The following BMAL1 variants were observed in gnomAD, a reference collection of about 807,000 sequenced individuals.
The protein encoded by BMAL1 is basic helix-loop-helix ARNT like 1.
At chr11:13,297,593 C>T in the BMAL1 span, among the ~76,000 whole-genome samples, 2 of 152,140 alleles carry the variant, frequency 1.3e-5, no homozygotes, top group Admixed American at 6.5e-5. Flanking sequence ...CGCCCATTGC[C>T]CTTGCCATGT....
At chr11:13,360,499 TTGA>T in the BMAL1 span, 1 of 1,424,588 alleles carries the variant, frequency 7.0e-7, no homozygotes, top group Non-Finnish European at 9.8e-7. Context: ...ATGTGGGAAT[TTGA>T]TGTTTCAACA....
the BMAL1 span, chr11:13,372,557 C>A: frequency 2.0e-5 from 26 of 1,292,470 alleles, no homozygotes; most frequent in African/African-American, 3.0e-5. Flanking sequence ...CACCTCAAAT[C>A]CCAGCACTTT....
At chr11:13,311,832 G>T in the BMAL1 span, among the ~76,000 whole-genome samples, 1 of 152,150 alleles carries the variant, frequency 6.6e-6, no homozygotes, top group Non-Finnish European at 1.5e-5. Context: ...TTGGACCCTT[G>T]CCATGAGACA....
the BMAL1 span, among the ~76,000 whole-genome samples, chr11:13,283,522 T>C: frequency 4.2e-4 from 64 of 152,160 alleles, no homozygotes; most frequent in Middle Eastern, 0.01. Context: ...TCAGCTGTTA[T>C]GGCTTGGGGC....
At chr11:13,313,696 A>G in the BMAL1 span, among the ~76,000 whole-genome samples, 2 of 152,052 alleles carry the variant, frequency 1.3e-5, no homozygotes, top group Non-Finnish European at 1.5e-5. Flanking sequence ...TCCTGTGTTC[A>G]TCTTTTTCCT....
chr11:13,310,019 C>T, the BMAL1 span: 1 of 152,622 alleles, frequency 6.6e-6, no homozygotes, highest in Admixed American at 6.5e-5. Context: ...CGTTTGGACC[C>T]AAGCTTAACT....
chr11:13,333,857 G>C, the BMAL1 span, among the ~76,000 whole-genome samples: 2 of 152,210 alleles, frequency 1.3e-5, no homozygotes, highest in Non-Finnish European at 2.9e-5. Context: ...CACAATTCCA[G>C]CTTAGAAGTT....
chr11:13,292,598 A>G, the BMAL1 span, among the ~76,000 whole-genome samples: 1 of 152,202 alleles, frequency 6.6e-6, no homozygotes, highest in African/African-American at 2.4e-5. Context: ...ATTGGTGGCA[A>G]GGGGCTTTGC....
At chr11:13,370,978 T>C in the BMAL1 span, among the ~76,000 whole-genome samples, 2 of 152,232 alleles carry the variant, frequency 1.3e-5, no homozygotes, top group Non-Finnish European at 1.5e-5. Flanking sequence ...CATGGCTCTC[T>C]CCAACCTCAG....
chr11:13,365,372 A>T, the BMAL1 span: 1 of 712,890 alleles, frequency 1.4e-6, no homozygotes, highest in South Asian at 1.8e-5. Context: ...CACTCAGGAT[A>T]TCACTGAAAC....
chr11:13,374,225 C>A, the BMAL1 span: 2 of 1,600,032 alleles, frequency 1.2e-6, no homozygotes, highest in South Asian at 1.1e-5. Context: ...TATGAAAGAT[C>A]TTAAGTTGAA....
chr11:13,289,237 A>G, the BMAL1 span, among the ~76,000 whole-genome samples: 5 of 152,280 alleles, frequency 3.3e-5, no homozygotes, highest in East Asian at 5.8e-4. Context: ...TTAATAGTGA[A>G]GATGTACTGG....
the BMAL1 span, chr11:13,356,724 C>G: frequency 1.9e-6 from 3 of 1,614,048 alleles, no homozygotes; most frequent in East Asian, 6.7e-5. Flanking sequence ...GTCACATTCT[C>G]TTTTGTTTTT....
At chr11:13,384,409 T>C in the BMAL1 span, among the ~76,000 whole-genome samples, 2 of 152,188 alleles carry the variant, frequency 1.3e-5, no homozygotes, top group Admixed American at 6.5e-5. Flanking sequence ...TTCAAAATCA[T>C]GTAAGGGTAA....
At chr11:13,356,701 T>G in the BMAL1 span, 2 of 1,612,306 alleles carry the variant, frequency 1.2e-6, no homozygotes, top group Non-Finnish European at 1.7e-6. Flanking sequence ...CTGTATGTCT[T>G]TATTAACATG....
chr11:13,349,397 C>G, the BMAL1 span, among the ~76,000 whole-genome samples: 1 of 152,242 alleles, frequency 6.6e-6, no homozygotes, highest in Non-Finnish European at 1.5e-5. Context: ...AGTGAGGTAG[C>G]TTCTGAAGGC....
the BMAL1 span, among the ~76,000 whole-genome samples, chr11:13,340,893 G>GT: frequency 1.3e-5 from 2 of 152,158 alleles, no homozygotes; most frequent in Non-Finnish European, 2.9e-5. Context: ...AACTCATGTG[G>GT]TCTGCACAAC....
At chr11:13,366,820 C>T in the BMAL1 span, 1 of 1,560,518 alleles carries the variant, frequency 6.4e-7, no homozygotes, top group Non-Finnish European at 8.8e-7. Flanking sequence ...CTCAGCAGCC[C>T]ACTCACAGGC....
At chr11:13,327,503 C>T in the BMAL1 span, among the ~76,000 whole-genome samples, 1 of 152,140 alleles carries the variant, frequency 6.6e-6, no homozygotes, top group Non-Finnish European at 1.5e-5. Flanking sequence ...CTTCCTTGCG[C>T]TTTTCTGGTT....
Sources: gnomAD v4.1 joint callset for allele counts (sites outside exome capture counted in the v4.1 genomes callset) on GRCh38, gnomAD v4.1.1 for gene constraint, MANE v1.5 for transcripts, NCBI Gene and HGNC (gene_info 2026-07-23, HGNC 2026-07-21) for gene names.